The following MAGI2 variants were observed in gnomAD, a reference collection of about 807,000 sequenced individuals.
MAGI2 encodes the protein membrane associated guanylate kinase, WW and PDZ domain containing 2, also known as membrane-associated guanylate kinase, WW and PDZ domain-containing protein 2.
Under a neutral mutation model 133.3 loss-of-function variants are expected in MAGI2, and 35 were observed. The observed-to-expected ratio is 0.26, with a 90% CI of 0.20 to 0.35. The LOEUF (loss-of-function observed/expected upper bound fraction) is 0.35. Ranked by LOEUF, MAGI2 falls within the 10% of genes least tolerant of loss-of-function variation. MAGI2 has a pLI of 1.00. For synonymous variants in MAGI2, 729 were observed against 710.6 expected (o/e 1.03, Z -0.41); for missense variants, 1,636 against 1,863.4 (o/e 0.88, Z 2.25).
intron 16 of MAGI2, among the ~76,000 whole-genome samples, chr7:78,155,071 C>T (rs951217602): frequency 1.3e-5 from 2 of 152,206 alleles, no homozygotes; most frequent in African/African-American, 2.4e-5. Flanking sequence ...AAGTTTCTAA[C>T]ATTATTTCCA....
chr7:78,754,370 C>CAAGTAAAT (rs36017820), intron 2 of MAGI2, among the ~76,000 whole-genome samples: 14,528 of 147,188 alleles, frequency 0.099, 861 homozygotes, highest in Middle Eastern at 0.12. Flanking sequence ...GACCCTGTCT[C>CAAGTAAAT]AAATAAATAA....
At chr7:78,815,601 T>A (rs2151418413) in intron 2 of MAGI2, among the ~76,000 whole-genome samples, 1 of 152,324 alleles carries the variant, frequency 6.6e-6, no homozygotes, top group Middle Eastern at 3.4e-3. Flanking sequence ...TTTCTTCATT[T>A]CTCTGTGTCA....
At chr7:78,146,609 T>A (rs1020713062) in intron 16 of MAGI2, among the ~76,000 whole-genome samples, 2 of 152,170 alleles carry the variant, frequency 1.3e-5, no homozygotes, top group African/African-American at 4.8e-5. Context: ...AACTTCAGGT[T>A]TAGGGTTAAA....
At chr7:78,023,681 C>G (rs1808633768) in intron 21 of MAGI2, among the ~76,000 whole-genome samples, 1 of 152,202 alleles carries the variant, frequency 6.6e-6, no homozygotes, top group Non-Finnish European at 1.5e-5. Context: ...GCCCTCTCCA[C>G]CACTACCCTG....
At position 78,033,472 on chromosome 7, in the gene MAGI2, CAAAAAAA is replaced by C. The variant is rs199985014; in HGVS notation, c.3707-13503_3707-13497del. ...TGAGCAACACAGTAAGAGCTTGTCT[CAAAAAAA>C]AAAAAAAAAAAAAGAAAAAAGAAAC... On this transcript the variant is annotated intron_variant, in intron 21 of 21. Coordinates refer to ENST00000354212, the MANE Select transcript of MAGI2 (RefSeq NM_012301.4). Among the ~76,000 whole-genome samples, 750 of 132,336 alleles carry C rather than the reference CAAAAAAA, an allele frequency of 5.7e-3. 6 individuals carry two copies. The highest frequency in any genetic ancestry group is 0.02 in the South Asian group (83 of 4,080). 86.8% of individuals were successfully genotyped at this position (132,336 alleles called of 152,430 possible). A position where few individuals can be genotyped will look rare whatever the true frequency, so the allele number is the denominator to read the frequency against.
intron 1 of MAGI2, among the ~76,000 whole-genome samples, chr7:79,147,459 G>T (rs758206576): frequency 1.3e-5 from 2 of 152,166 alleles, no homozygotes; most frequent in Non-Finnish European, 2.9e-5. Flanking sequence ...TTGAGAAAGT[G>T]GCTTGGGCTG....
chr7:79,114,147 A>C (rs1819183502), intron 1 of MAGI2, among the ~76,000 whole-genome samples: 1 of 152,122 alleles, frequency 6.6e-6, no homozygotes. Context: ...GCCTGCTGAG[A>C]CTTCTCCAGG....
chr7:78,511,596 C>A (rs1414035390), intron 4 of MAGI2, among the ~76,000 whole-genome samples: 3 of 132,730 alleles, frequency 2.3e-5, no homozygotes, highest in Non-Finnish European at 4.7e-5. Context: ...GCACATGGTA[C>A]AAAATCCAGA....
At chr7:78,761,824 C>G (rs934952744) in intron 2 of MAGI2, among the ~76,000 whole-genome samples, 2 of 151,964 alleles carry the variant, frequency 1.3e-5, no homozygotes, top group Non-Finnish European at 2.9e-5. Context: ...TTAGGCAATG[C>G]TGATGCTGGT....
chr7:79,421,303 A>AG (rs5885136), intron 1 of MAGI2, among the ~76,000 whole-genome samples: 37,323 of 151,626 alleles, frequency 0.25, 6,653 homozygotes, highest in African/African-American at 0.51. Context: ...CCATTGTGTT[A>AG]TTGGTCTTTA....
At chr7:79,389,955 A>G (rs1345283028) in intron 1 of MAGI2, among the ~76,000 whole-genome samples, 1 of 152,192 alleles carries the variant, frequency 6.6e-6, no homozygotes, top group Non-Finnish European at 1.5e-5. Flanking sequence ...CCCCAATTAT[A>G]TATGGGTGCT....
chr7:79,379,364 A>T (rs28799967), intron 1 of MAGI2, among the ~76,000 whole-genome samples: 3,211 of 151,900 alleles, frequency 0.021, 98 homozygotes, highest in African/African-American at 0.075. Context: ...TCTATCATTG[A>T]TGGGCATTTG....
chr7:78,268,939 C>T (rs920858496), intron 9 of MAGI2, among the ~76,000 whole-genome samples: 1 of 152,102 alleles, frequency 6.6e-6, no homozygotes, highest in African/African-American at 2.4e-5. Context: ...TCAACCAGCC[C>T]CCCACCCACT....
At chr7:78,630,822 T>G (rs161288) in intron 2 of MAGI2, among the ~76,000 whole-genome samples, 43,939 of 152,040 alleles carry the variant, frequency 0.29, 6,792 homozygotes, top group East Asian at 0.61. Context: ...CCTCTCAAAA[T>G]TCACAAATAC....
At chr7:78,707,873 A>G (rs1280608907) in intron 2 of MAGI2, among the ~76,000 whole-genome samples, 2 of 152,132 alleles carry the variant, frequency 1.3e-5, no homozygotes, top group Non-Finnish European at 2.9e-5. Context: ...GTCTGGTATG[A>G]GATACTTCTA....
intron 2 of MAGI2, among the ~76,000 whole-genome samples, chr7:78,986,214 G>A (rs1054898841): frequency 6.6e-5 from 10 of 152,058 alleles, no homozygotes; most frequent in Non-Finnish European, 1.5e-4. Flanking sequence ...CATGAAGAAT[G>A]TAAATAAAAT....
At chr7:79,013,659 G>A (rs1372023980) in intron 1 of MAGI2, among the ~76,000 whole-genome samples, 1 of 152,130 alleles carries the variant, frequency 6.6e-6, no homozygotes, top group African/African-American at 2.4e-5. Context: ...TGCCAGAACA[G>A]CCTCCATTCC....
chr7:78,313,394 A>G (rs1798886337), intron 9 of MAGI2, among the ~76,000 whole-genome samples: 2 of 152,124 alleles, frequency 1.3e-5, no homozygotes, highest in African/African-American at 4.8e-5. Context: ...CATTAACTGT[A>G]CTGGAAAGTG....
chr7:78,427,853 T>G lies in MAGI2; in HGVS notation c.1046-58640A>C, dbSNP rs575511696. Among the ~76,000 whole-genome samples, 16 of 152,276 alleles carry G rather than the reference T, an allele frequency of 1.1e-4. No individual in the cohort carries two copies. In the East Asian group the frequency reaches 2.9e-3, roughly 28 times the overall value. ...ACTTTTGATTAATGAGTACTGTATT[T>G]TGTGTCTGTCAGTGGTTCAAGACTC... is the stretch of plus-strand genomic sequence containing the variant. On this transcript the variant is annotated intron_variant, in intron 6 of 21. Transcript: ENST00000354212.
Sources: gnomAD v4.1 joint callset for allele counts (sites outside exome capture counted in the v4.1 genomes callset) on GRCh38, gnomAD v4.1.1 for gene constraint, MANE v1.5 for transcripts, NCBI Gene and HGNC (gene_info 2026-07-23, HGNC 2026-07-21) for gene names.